NYAP1: variants seen among roughly 807,000 people sequenced by gnomAD.
NYAP1 encodes neuronal tyrosine-phosphorylated phosphoinositide-3-kinase adapter 1.
A neutral mutation model predicts 58.6 loss-of-function variants in NYAP1; 20 were observed. The observed-to-expected ratio is 0.34, with a 90% CI of 0.24 to 0.50. NYAP1 has a LOEUF of 0.50. Ranked by LOEUF, NYAP1 falls within the 20% of genes least tolerant of loss-of-function variation. NYAP1 has a pLI of 0.98. For missense variants in NYAP1, 1,150 were observed against 1,194.5 expected, an observed-to-expected ratio of 0.96 and a Z score of 0.55; for synonymous variants, 572 against 523.1, an observed-to-expected ratio of 1.09 and a Z score of -1.27.
rs1799701509 is a variant in NYAP1 at position 100,486,312 on chromosome 7, A to G, written c.69-509A>G. ...CACCAGGGGAGAGGGAGGAAGAAGG[A>G]TGGGCCAGGGAGGGAGGCTGCTCTG... On this transcript the variant is annotated intron_variant, in intron 2 of 6. Coordinates refer to ENST00000300179, the MANE Select transcript of NYAP1 (RefSeq NM_173564.4). The surrounding 1 kb of genome is among the most constrained non-coding windows in gnomAD (Gnocchi z 6.2). 6.6e-6 allele frequency among the ~76,000 whole-genome samples: 1 copy of G among 152,052 alleles called. No homozygotes were observed. Among genetic ancestry groups the G allele is most frequent in the African/African-American group, 2.4e-5 (1 of 41,398 alleles).
rs1049369264 is a variant in NYAP1 at position 100,488,288 on chromosome 7, G to A, written c.567G>A (p.Gly189=). ...CCCCAGGCCCCTCTCCTCGAGGGGGGAACCTGCCTCTTCAGCGCCTCACTA... is the reference window on the plus strand; with the variant it reads ...CCCCAGGCCCCTCTCCTCGAGGGGGAAACCTGCCTCTTCAGCGCCTCACTA... ...SCPPGPSPRG[G]NLPLQRLTRG... The change falls in exon 4 of 7, where the codon GGG becomes GGA. Residue 189 remains glycine (G), a synonymous_variant. Transcript: ENST00000300179. The surrounding 1 kb of genome is among the most constrained non-coding windows in gnomAD (Gnocchi z 5.9). 3.1e-6 allele frequency: 5 copies of A among 1,613,658 alleles called. No individual in the cohort carries two copies. Among genetic ancestry groups the A allele is most frequent in the Non-Finnish European group, 4.2e-6 (5 of 1,179,852 alleles).
chr7:100,491,071 C>A lies in NYAP1; in HGVS notation c.2244C>A (p.Ser748Arg). Residue 748 changes from serine (S) to arginine (R), a missense_variant, in exon 6 of 7, where the codon AGC becomes AGA. Ser to Arg is a moderately radical substitution (Grantham distance 110, BLOSUM62 -1). Transcript: ENST00000300179. ...QVVLHTPRPC[S>R]QPRDALSQPH... ...TGCTCCACACACCCCGGCCCTGCAG[C>A]CAGCCCAGGGATGCCCTGAGCCAGG... is the stretch of plus-strand genomic sequence containing the variant. 1 of 1,558,348 alleles carries A rather than the reference C, an allele frequency of 6.4e-7. No individual in the cohort carries two copies. Among genetic ancestry groups the A allele is most frequent in the Non-Finnish European group, 8.7e-7 (1 of 1,150,546 alleles).
At chr7:100,484,878 G>C (rs1447719600) in intron 1 of NYAP1, among the ~76,000 whole-genome samples, 1 of 152,060 alleles carries the variant, frequency 6.6e-6, no homozygotes, top group Non-Finnish European at 1.5e-5. Context: ...CTGTAGATGT[G>C]GGTCGGTGGC....
Position 100,488,872 on chromosome 7 carries a change from C to T in NYAP1, c.1151C>T (p.Pro384Leu). ...CCTGCACGGGAGCGGGAGACGCCTCCCCCACCGCCTCCACCTCCTGCTGCC... is the reference window on the plus strand; with the variant it reads ...CCTGCACGGGAGCGGGAGACGCCTCTCCCACCGCCTCCACCTCCTGCTGCC... ...QVPARERETPPPPPPPPAANL... is the reference protein window; with the variant it reads ...QVPARERETPLPPPPPPAANL... Residue 384 changes from proline to leucine, a missense_variant, in exon 4 of 7, where the codon CCC (proline) becomes CTC (leucine). Transcript: ENST00000300179. The surrounding 1 kb of genome is among the most constrained non-coding windows in gnomAD (Gnocchi z 5.9). 1.3e-6 allele frequency: 2 copies of T among 1,599,600 alleles called. No individual in the cohort carries two copies. The highest frequency in any genetic ancestry group is 1.7e-6 in the Non-Finnish European group (2 of 1,175,156).
At position 100,490,944 on chromosome 7, in the gene NYAP1, C is replaced by T. The variant is rs1270473894; in HGVS notation, c.2159-42C>T. 2.3e-6 allele frequency: 3 copies of T among 1,319,144 alleles called. No homozygotes were observed. Among genetic ancestry groups the T allele is most frequent in the Non-Finnish European group, 3.2e-6 (3 of 946,026 alleles). 81.7% of individuals were successfully genotyped at this position (1,319,144 alleles called of 1,614,324 possible). On this transcript the variant is annotated intron_variant, in intron 5 of 6. Coordinates refer to ENST00000300179, the MANE Select transcript of NYAP1 (RefSeq NM_173564.4). The surrounding 1 kb of genome is among the most constrained non-coding windows in gnomAD (Gnocchi z 4.6). ...GGACTGGGAACTAGGGGAGGGGTAC[C>T]TGAGGCCCCTGCACTCCTCACTCCT... is the stretch of plus-strand genomic sequence containing the variant.
In NYAP1 at chr7:100,485,365, G is replaced by C. The variant is rs1799690007; in HGVS notation, c.54G>C (p.Glu18Asp). 1 of 1,602,726 alleles carries C rather than the reference G, an allele frequency of 6.2e-7. No individual in the cohort carries two copies. The highest frequency in any genetic ancestry group is 1.7e-5 in the Admixed American group (1 of 58,782). Residue 18 changes from glutamate (E) to aspartate (D), a missense_variant, in exon 2 of 7, where the codon GAG becomes GAC. By Grantham distance (45) the Glu-to-Asp change is conservative. Transcript: ENST00000300179. The surrounding 1 kb of genome is among the most constrained non-coding windows in gnomAD (Gnocchi z 5.7). ...TGGAGTGGAGGCAGCACAAGGAAGAGGAGGCCAAGAGGAGGTAAGGCTGCA... is the reference window on the plus strand; with the variant it reads ...TGGAGTGGAGGCAGCACAAGGAAGACGAGGCCAAGAGGAGGTAAGGCTGCA... Reference protein sequence around the residue: ...TKLEWRQHKEEEAKRSSSKEV... With the variant: ...TKLEWRQHKEDEAKRSSSKEV...
chr7:100,492,950 GAGAA>G (rs1332020454), intron 6 of NYAP1, among the ~76,000 whole-genome samples: 2 of 151,190 alleles, frequency 1.3e-5, no homozygotes, highest in Non-Finnish European at 3.0e-5. Flanking sequence ...GAGAGAAGGA[GAGAA>G]AGAGAGAAAG....
In NYAP1 at chr7:100,485,411, T is replaced by G. The variant is rs745978114; in HGVS notation, c.68+32T>G. ...CTGCACCCCAGACTGCTCCCTTCCC[T>G]TCCGCACCTCTGCCTGCCCCCTCAC... is the stretch of plus-strand genomic sequence containing the variant. On this transcript the variant is annotated intron_variant, in intron 2 of 6. Transcript: ENST00000300179. This position sits in a 1 kb window ranked among gnomAD's most constrained non-coding sequence, Gnocchi z 5.7. 2 of 1,533,206 alleles carry G rather than the reference T, an allele frequency of 1.3e-6. No individual in the cohort carries two copies. The allele number at this position is 1,533,206 out of a possible 1,614,324, so 95.0% of individuals were successfully genotyped here.
intron 6 of NYAP1, among the ~76,000 whole-genome samples, chr7:100,492,399 C>A (rs2131070425): frequency 6.6e-6 from 1 of 152,168 alleles, no homozygotes; most frequent in Admixed American, 6.6e-5. Flanking sequence ...TCAGTCAGGG[C>A]CACCACTAGC....
Position 100,487,219 on chromosome 7 carries a change from G to A in NYAP1, c.430+37G>A, listed in dbSNP as rs1443050475. The stretch of plus-strand genomic sequence containing the variant: ...CCTATCTCTCCCTGGGGTGGAGCTG[G>A]GAGCTGGGAGGATCTATTCCACGCC... On this transcript the variant is annotated intron_variant, in intron 3 of 6. Transcript: ENST00000300179. The surrounding 1 kb of genome is among the most constrained non-coding windows in gnomAD (Gnocchi z 4.1). 6.8e-7 allele frequency: 1 copy of A among 1,470,048 alleles called. No homozygotes were observed. The highest frequency in any genetic ancestry group is 1.5e-5 in the South Asian group (1 of 68,024). 91.1% of individuals were successfully genotyped at this position (1,470,048 alleles called of 1,614,324 possible).
At position 100,488,753 on chromosome 7, in the gene NYAP1, G is replaced by A. The variant is rs1799743030; in HGVS notation, c.1032G>A (p.Lys344=). 2 of 1,602,686 alleles carry A rather than the reference G, an allele frequency of 1.2e-6. No homozygotes were observed. Among genetic ancestry groups the A allele is most frequent in the African/African-American group, 1.3e-5 (1 of 74,400 alleles). ...CACTCCTGGCCTTCCCCCAAGCCAA[G>A]TCTGCTTCCCGAACCCCTGGCGATG... ...RPPLLAFPQA[K]SASRTPGDGV... is the part of the protein sequence containing the mutation. The change falls in exon 4 of 7, where the codon AAG becomes AAA. Residue 344 remains lysine, a synonymous_variant. Transcript: ENST00000300179. The surrounding 1 kb of genome is among the most constrained non-coding windows in gnomAD (Gnocchi z 5.9).
rs1215201480 is a variant in NYAP1, at chr7:100,489,323, C to A, written c.1602C>A (p.Pro534=). 3.1e-6 allele frequency: 5 copies of A among 1,606,110 alleles called. No homozygotes were observed. Among genetic ancestry groups the A allele is most frequent in the Non-Finnish European group, 4.2e-6 (5 of 1,177,104 alleles). Residue 534 remains proline (P), a synonymous_variant, in exon 4 of 7, where the codon CCC becomes CCA. Transcript: ENST00000300179. ...ACCACCGCGGCTGCCTGGCCTCCCC[C>A]CACAGCCTTCCGGACCCAACTGTAG... ...VLHHRGCLAS[P]HSLPDPTVGP... is the part of the protein sequence containing the mutation.
At position 100,490,612 on chromosome 7, in the gene NYAP1, G is replaced by T. The variant is rs751138177; in HGVS notation, c.2041G>T (p.Val681Leu). 3.0e-5 allele frequency: 48 copies of T among 1,576,720 alleles called. 1 individual carries two copies. The East Asian group carries it at 1.0e-3, about 34-fold the overall frequency. ...GGGCCCTGGGACATCGGGGATCCCA[G>T]TGAGAAGCCAGGGGGCAGAGGGACT... ...DRGPGTSGIP[V>L]RSQGAEGLLA... Residue 681 changes from valine (V) to leucine (L), a missense_variant, in exon 5 of 7, where the codon GTG becomes TTG. By Grantham distance (32) the Val-to-Leu change is conservative. Coordinates refer to ENST00000300179, the MANE Select transcript of NYAP1 (RefSeq NM_173564.4). The surrounding 1 kb of genome is among the most constrained non-coding windows in gnomAD (Gnocchi z 4.6).
chr7:100,485,379 G>T lies in NYAP1; in HGVS notation c.68G>T (p.Ser23Ile), dbSNP rs141689678. 1.0e-5 allele frequency: 16 copies of T among 1,597,804 alleles called. No homozygotes were observed. The highest frequency in any genetic ancestry group is 1.3e-5 in the Non-Finnish European group (15 of 1,171,424). The change falls in exon 2 of 7, where the codon AGC becomes ATC. Residue 23 changes from serine to isoleucine, a missense_variant and splice_region_variant. By Grantham distance (142) the Ser-to-Ile change is moderately radical. Coordinates refer to ENST00000300179, the MANE Select transcript of NYAP1 (RefSeq NM_173564.4). The surrounding 1 kb of genome is among the most constrained non-coding windows in gnomAD (Gnocchi z 5.7). ...CACAAGGAAGAGGAGGCCAAGAGGA[G>T]GTAAGGCTGCACCCCAGACTGCTCC... Reference protein sequence around the residue: ...RQHKEEEAKRSSSKEVAPAGS... With the variant: ...RQHKEEEAKRISSKEVAPAGS...
In NYAP1 at chr7:100,485,327, C is replaced by G; in HGVS notation, c.16C>G (p.Arg6Gly). 4 of 1,600,460 alleles carry G rather than the reference C, an allele frequency of 2.5e-6. No individual in the cohort carries two copies. Among genetic ancestry groups the G allele is most frequent in the Non-Finnish European group, 1.7e-6 (2 of 1,172,812 alleles). Residue 6 changes from arginine to glycine, a missense_variant, in exon 2 of 7, where the codon CGA becomes GGA. Coordinates refer to ENST00000300179, the MANE Select transcript of NYAP1 (RefSeq NM_173564.4). This position sits in a 1 kb window ranked among gnomAD's most constrained non-coding sequence, Gnocchi z 5.7. MNLLY[R>G]KTKLEWRQHK... ...GCCCCACGAGATGAACCTCCTCTAC[C>G]GAAAAACCAAGCTGGAGTGGAGGCA...
At chr7:100,493,525 G>C (rs900604330) in intron 6 of NYAP1, 121 bp from the exon 7 acceptor site, 33 of 912,472 alleles carry the variant, frequency 3.6e-5, no homozygotes, top group Middle Eastern at 3.5e-4. Flanking sequence ...GAGGCCGTTG[G>C]GGGGCAAGCA....
rs535267799 is a variant in NYAP1 at position 100,493,640 on chromosome 7, G to T, written c.2269-6G>T. 2.6e-6 allele frequency: 4 copies of T among 1,568,438 alleles called. No individual in the cohort carries two copies. The African/African-American group carries it at 5.4e-5, about 21-fold the overall frequency. On this transcript the variant is annotated splice_polypyrimidine_tract_variant and splice_region_variant and intron_variant, in intron 6 of 6. Coordinates refer to ENST00000300179, the MANE Select transcript of NYAP1 (RefSeq NM_173564.4). ...CGTTTTCCTTTCTCCCCCGCCCGCGGCACAGCCCCACCCCGCGCTGCCGCT... is the reference window on the plus strand; with the variant it reads ...CGTTTTCCTTTCTCCCCCGCCCGCGTCACAGCCCCACCCCGCGCTGCCGCT...
intron 6 of NYAP1, among the ~76,000 whole-genome samples, chr7:100,493,002 GAGAA>G (rs751440307): frequency 2.0e-4 from 31 of 152,090 alleles, no homozygotes; most frequent in Admixed American, 9.8e-4. Flanking sequence ...AGAAAGAAAA[GAGAA>G]AGAAAGAAAG....
Position 100,485,121 on chromosome 7 carries a change from G to C in NYAP1, c.-84-107G>C, listed in dbSNP as rs1029285361. 1 of 589,398 alleles carries C rather than the reference G, an allele frequency of 1.7e-6. No individual in the cohort carries two copies. The highest frequency in any genetic ancestry group is 1.9e-5 in the African/African-American group (1 of 53,400). 36.5% of individuals were successfully genotyped at this position (589,398 alleles called of 1,614,324 possible). A position where few individuals can be genotyped will look rare whatever the true frequency, so the allele number is the denominator to read the frequency against. Reference sequence around the variant, plus strand: ...GTTTTCTGTCTGTGTTTTCCTCTCTGAGGACCCGAGTCATGTCTCTTCTCC... The same window carrying C: ...GTTTTCTGTCTGTGTTTTCCTCTCTCAGGACCCGAGTCATGTCTCTTCTCC... On this transcript the variant is annotated intron_variant, in intron 1 of 6. Transcript: ENST00000300179. This position sits in a 1 kb window ranked among gnomAD's most constrained non-coding sequence, Gnocchi z 5.7.
Sources: allele counts gnomAD v4.1 joint callset (sites outside exome capture counted in the v4.1 genomes callset), GRCh38; gene constraint gnomAD v4.1.1; non-coding constraint Gnocchi (gnomAD v3.1); transcripts MANE v1.5; gene names NCBI Gene and HGNC (gene_info 2026-07-23, HGNC 2026-07-21).